B4GALNT3: variants seen among roughly 807,000 people sequenced by gnomAD.
B4GALNT3 encodes the protein beta-1,4-N-acetyl-galactosaminyltransferase 3.
Under a neutral mutation model 120.2 loss-of-function variants are expected in B4GALNT3, and 86 were observed. The observed-to-expected ratio is 0.72, with a 90% CI of 0.60 to 0.86. The LOEUF is 0.86. Ranked by LOEUF, B4GALNT3 falls within the 40% of genes least tolerant of loss-of-function variation. The pLI is 0.00. For synonymous variants in B4GALNT3, 518 were observed against 510.4 expected (o/e 1.01, Z -0.20); for missense variants, 1,167 against 1,298.9 (o/e 0.90, Z 1.56).
At position 463,278 on chromosome 12, in the gene B4GALNT3, T is replaced by C. The variant is rs534169502; in HGVS notation, c.169+2733T>C. Among the ~76,000 whole-genome samples, 4 of 152,328 alleles carry C rather than the reference T, an allele frequency of 2.6e-5. No individual in the cohort carries two copies. In the East Asian group the frequency reaches 5.8e-4, roughly 22 times the overall value. On this transcript the variant is annotated intron_variant, in intron 1 of 19. Transcript: ENST00000266383. ...GGTTACCAGTAATGACAGGGGAGCA[T>C]ATTTCCTTCTTTATCTTCGTGAAAT...
intron 1 of B4GALNT3, among the ~76,000 whole-genome samples, chr12:523,018 C>G (rs1292661305): frequency 6.6e-6 from 1 of 151,548 alleles, no homozygotes; most frequent in Non-Finnish European, 1.5e-5. Context: ...CACACTCCCC[C>G]TAAAAATTAA....
At position 535,176 on chromosome 12, in the gene B4GALNT3, C is replaced by T. The variant is rs761066999; in HGVS notation, c.180C>T (p.Ser60=). Residue 60 remains serine, a synonymous_variant, in exon 2 of 20, where the codon AGC becomes AGT. Coordinates refer to ENST00000266383, the MANE Select transcript of B4GALNT3 (RefSeq NM_173593.4). The part of the protein sequence containing the change: ...GGNPLNRRYG[S]WRELAKALAS... ...CTTCCCCTTCCACAGGGTACGGCAGCTGGAGAGAACTGGCCAAGGCTCTGG... is the reference window on the plus strand; with the variant it reads ...CTTCCCCTTCCACAGGGTACGGCAGTTGGAGAGAACTGGCCAAGGCTCTGG... The T allele has an allele frequency of 3.1e-6, 5 of 1,612,244 alleles. No individual in the cohort carries two copies. The highest frequency in any genetic ancestry group is 4.2e-6 in the Non-Finnish European group (5 of 1,179,220).
Position 555,783 on chromosome 12 carries a change from TTTTA to T in B4GALNT3, c.2061-756_2061-753del, listed in dbSNP as rs1408278221. Among the ~76,000 whole-genome samples the T allele has an allele frequency of 4.7e-5, 7 of 149,800 alleles. No individual in the cohort carries two copies. In the East Asian group the frequency reaches 7.9e-4, roughly 17 times the overall value. ...TTCATTGTGTTTTATTTATTTTTAT[TTTTA>T]TTTATTTTTTTTTTTGAGACGGAGT... On this transcript the variant is annotated intron_variant, in intron 14 of 19. Coordinates refer to ENST00000266383, the MANE Select transcript of B4GALNT3 (RefSeq NM_173593.4).
At chr12:491,061 A>C (rs1334678762) in intron 1 of B4GALNT3, among the ~76,000 whole-genome samples, 4 of 152,206 alleles carry the variant, frequency 2.6e-5, no homozygotes, top group African/African-American at 9.6e-5. Flanking sequence ...CCAGACCCAG[A>C]CAAAGACCTT....
At chr12:468,764 G>T (rs765577459) in intron 1 of B4GALNT3, among the ~76,000 whole-genome samples, 1 of 152,192 alleles carries the variant, frequency 6.6e-6, no homozygotes. Context: ...TCCCTGCCCA[G>T]GGAATAGACT....
Position 511,424 on chromosome 12 carries a change from TCCACCTTCTTCCAC to T in B4GALNT3, c.170-23740_170-23727del, listed in dbSNP as rs1302527183. On this transcript the variant is annotated intron_variant, in intron 1 of 19. Coordinates refer to ENST00000266383, the MANE Select transcript of B4GALNT3 (RefSeq NM_173593.4). ...TCCACCTTCCTTCCACCTTCCACCT[TCCACCTTCTTCCAC>T]CTTCCACCTTCCACCTTCTTCCACC... Among the ~76,000 whole-genome samples, 12 of 86,880 alleles carry T rather than the reference TCCACCTTCTTCCAC, an allele frequency of 1.4e-4. 1 individual carries two copies. The highest frequency in any genetic ancestry group is 5.4e-4 in the South Asian group (1 of 1,866). 57.0% of individuals were successfully genotyped at this position (86,880 alleles called of 152,430 possible).
At chr12:555,638 T>G (rs2120735793) in intron 14 of B4GALNT3, among the ~76,000 whole-genome samples, 1 of 152,182 alleles carries the variant, frequency 6.6e-6, no homozygotes, top group East Asian at 1.9e-4. Flanking sequence ...TAACTCTGTT[T>G]AGCATGTTGA....
At chr12:549,518 G>A (rs984965108) in intron 9 of B4GALNT3, among the ~76,000 whole-genome samples, 2 of 152,246 alleles carry the variant, frequency 1.3e-5, no homozygotes, top group Admixed American at 6.5e-5. Context: ...TTTTGAGAAA[G>A]AGGTGTCTTT....
intron 1 of B4GALNT3, among the ~76,000 whole-genome samples, chr12:468,558 C>A (rs929192300): frequency 6.6e-6 from 1 of 152,234 alleles, no homozygotes; most frequent in South Asian, 2.1e-4. Flanking sequence ...AGAGAACAGC[C>A]GAGAGACTGG....
chr12:504,533 C>G (rs890632155), intron 1 of B4GALNT3, among the ~76,000 whole-genome samples: 10 of 150,352 alleles, frequency 6.7e-5, no homozygotes, highest in African/African-American at 2.4e-4. Flanking sequence ...GATCTCAGCT[C>G]ACTGCAACCT....
rs540490278 is a variant in B4GALNT3 at position 552,848 on chromosome 12, G to A, written c.1270+320G>A. The stretch of plus-strand genomic sequence containing the variant: ...ATTTGGGAGGTTCTGGTTTAGAGAA[G>A]CACTGTCTTCTGGGGCCTTTCTTGG... On this transcript the variant is annotated intron_variant, in intron 13 of 19. Transcript: ENST00000266383. 1.6e-4 allele frequency: 78 copies of A among 499,860 alleles called. 1 individual carries two copies. In the South Asian group the frequency reaches 1.9e-3, roughly 12 times the overall value. 31.0% of individuals were successfully genotyped at this position (499,860 alleles called of 1,614,324 possible). A position where few individuals can be genotyped will look rare whatever the true frequency, so the allele number is the denominator to read the frequency against.
chr12:463,075 C>G (rs1273878783), intron 1 of B4GALNT3, among the ~76,000 whole-genome samples: 2 of 152,208 alleles, frequency 1.3e-5, no homozygotes, highest in Non-Finnish European at 2.9e-5. Flanking sequence ...GCTCTGCTTT[C>G]CAGCAAGCCA....
At chr12:465,429 G>A (rs1946067210) in intron 1 of B4GALNT3, among the ~76,000 whole-genome samples, 1 of 151,922 alleles carries the variant, frequency 6.6e-6, no homozygotes, top group Non-Finnish European at 1.5e-5. Flanking sequence ...ATAGAACCTA[G>A]GAATTCTTGT....
rs1483939767 is a variant in B4GALNT3 at position 558,013 on chromosome 12, C to T, written c.2535-3C>T. The T allele has an allele frequency of 2.5e-6, 4 of 1,613,816 alleles. No individual in the cohort carries two copies. The highest frequency in any genetic ancestry group is 1.7e-5 in the Admixed American group (1 of 60,002). On this transcript the variant is annotated splice_polypyrimidine_tract_variant and splice_region_variant and intron_variant, in intron 16 of 19. Transcript: ENST00000266383. ...TACGCAGCCCTCTCTCCCCTTCCTG[C>T]AGCTACCAGTACGTGAAGCTAAGTG... is the stretch of plus-strand genomic sequence containing the variant.
Position 556,511 on chromosome 12 carries a change from A to G in B4GALNT3, c.2061-36A>G, listed in dbSNP as rs369963743. On this transcript the variant is annotated intron_variant, in intron 14 of 19. Transcript: ENST00000266383. ...ACCGTGCTACCCTCCCAGTGTGGAAAGGAACCACTCAGCCTCCCCACACTT... is the reference window on the plus strand; with the variant it reads ...ACCGTGCTACCCTCCCAGTGTGGAAGGGAACCACTCAGCCTCCCCACACTT... The G allele has an allele frequency of 2.4e-4, 387 of 1,580,718 alleles. 1 individual carries two copies. The highest frequency in any genetic ancestry group is 5.1e-5 in the Admixed American group (3 of 59,262).
chr12:542,390 T>TCTTGTAGAA (rs1382155139), intron 3 of B4GALNT3, among the ~76,000 whole-genome samples: 1 of 152,170 alleles, frequency 6.6e-6, no homozygotes, highest in Non-Finnish European at 1.5e-5. Context: ...CCTACAGATC[T>TCTTGTAGAA]CTTGTAGAAC....
intron 1 of B4GALNT3, among the ~76,000 whole-genome samples, chr12:481,510 G>A (rs1346340560): frequency 1.3e-5 from 2 of 152,350 alleles, no homozygotes; most frequent in East Asian, 3.9e-4. Context: ...TGGCCATGGT[G>A]GGAAAGTGGG....
chr12:461,507 G>T (rs1208819631), intron 1 of B4GALNT3, among the ~76,000 whole-genome samples: 3 of 152,190 alleles, frequency 2.0e-5, no homozygotes, highest in African/African-American at 2.4e-5. Context: ...GAAAAGAAAT[G>T]GAGAAACTCC....
At chr12:465,472 G>A (rs920996780) in intron 1 of B4GALNT3, among the ~76,000 whole-genome samples, 6 of 151,288 alleles carry the variant, frequency 4.0e-5, no homozygotes, top group African/African-American at 1.5e-4. Flanking sequence ...CACAACAATA[G>A]CCTTTGAATA....
Sources: gnomAD v4.1 joint callset for allele counts (sites outside exome capture counted in the v4.1 genomes callset) on GRCh38, gnomAD v4.1.1 for gene constraint, MANE v1.5 for transcripts, NCBI Gene and HGNC (gene_info 2026-07-23, HGNC 2026-07-21) for gene names.